Variants in FANCC observed in about 807,000 individuals in gnomAD.
The protein encoded by FANCC is Fanconi anemia group C protein.
A neutral mutation model predicts 71.3 loss-of-function variants in FANCC; 55 were observed. That is an observed-to-expected ratio of 0.77 (90% CI 0.62 to 0.97). The LOEUF is 0.97. FANCC is among the 50% of genes least tolerant of loss of function. The pLI is 0.00. For synonymous variants in FANCC, 275 were observed against 244.9 expected, an observed-to-expected ratio of 1.12 and a Z score of -1.15; for missense variants, 678 against 670.9, an observed-to-expected ratio of 1.01 and a Z score of -0.12.
intron 6 of FANCC, among the ~76,000 whole-genome samples, chr9:95,158,821 C>T (rs1046560586): frequency 6.6e-6 from 1 of 152,190 alleles, no homozygotes; most frequent in African/African-American, 2.4e-5. Flanking sequence ...TAGGGCCACA[C>T]TTTGAGTAGC....
At chr9:95,236,922 C>T (rs1830349836) in intron 4 of FANCC, among the ~76,000 whole-genome samples, 1 of 152,132 alleles carries the variant, frequency 6.6e-6, no homozygotes, top group Non-Finnish European at 1.5e-5. Flanking sequence ...AAAATATCAC[C>T]TCCAAGATAA....
chr9:95,117,671 T>G (rs952800909), intron 10 of FANCC, among the ~76,000 whole-genome samples: 1 of 152,154 alleles, frequency 6.6e-6, no homozygotes, highest in Non-Finnish European at 1.5e-5. Context: ...AAATAAATCT[T>G]CTGTTTTGGA....
At chr9:95,116,600 G>C (rs1259090558) in intron 11 of FANCC, among the ~76,000 whole-genome samples, 1 of 152,300 alleles carries the variant, frequency 6.6e-6, no homozygotes, top group African/African-American at 2.4e-5. Context: ...CCCCTTTCTG[G>C]CTGGCGCAGT....
intron 1 of FANCC, among the ~76,000 whole-genome samples, chr9:95,279,359 G>A (rs966350819): frequency 1.3e-5 from 2 of 151,158 alleles, no homozygotes; most frequent in African/African-American, 4.9e-5. Context: ...AGAAAAATTA[G>A]CCAGGTGTGG....
At chr9:95,265,341 T>C (rs1045190698) in intron 1 of FANCC, among the ~76,000 whole-genome samples, 2 of 152,170 alleles carry the variant, frequency 1.3e-5, no homozygotes, top group Admixed American at 6.5e-5. Flanking sequence ...GGGGATTTAC[T>C]AGGCTCAATT....
intron 4 of FANCC, among the ~76,000 whole-genome samples, chr9:95,207,103 G>C (rs1303542146): frequency 6.6e-6 from 1 of 151,972 alleles, no homozygotes; most frequent in African/African-American, 2.4e-5. Flanking sequence ...GCCAGAAATT[G>C]GCAGCCCAGC....
At chr9:95,219,864 T>C (rs1430627003) in intron 4 of FANCC, among the ~76,000 whole-genome samples, 1 of 151,786 alleles carries the variant, frequency 6.6e-6, no homozygotes, top group Non-Finnish European at 1.5e-5. Context: ...AATAGACAAA[T>C]GGGATCTAAT....
chr9:95,101,593 A>T lies in FANCC; in HGVS notation c.*114T>A. On this transcript the variant is annotated 3_prime_UTR_variant, in exon 15 of 15. Transcript: ENST00000289081. Reference sequence around the variant, plus strand: ...CCCAAGATGTGTACAGCTCATTCTCACAGCCCAGCGAGGGCACTTACTCCA... The same window carrying T: ...CCCAAGATGTGTACAGCTCATTCTCTCAGCCCAGCGAGGGCACTTACTCCA... The T allele has an allele frequency of 1.5e-6, 2 of 1,301,326 alleles. No homozygotes were observed. The highest frequency in any genetic ancestry group is 2.2e-6 in the Non-Finnish European group (2 of 923,408). The allele number at this position is 1,301,326 out of a possible 1,614,324, so 80.6% of individuals were successfully genotyped here. A position where few individuals can be genotyped will look rare whatever the true frequency, so the allele number is the denominator to read the frequency against.
intron 4 of FANCC, among the ~76,000 whole-genome samples, chr9:95,228,390 C>T (rs1829764152): frequency 6.6e-6 from 1 of 152,230 alleles, no homozygotes; most frequent in Admixed American, 6.5e-5. Context: ...CTGGAGTGAT[C>T]ACTATTTCTT....
chr9:95,249,409 T>TGATAAAAGAGC, intron 1 of FANCC, 40 bp from the exon 2 acceptor site: 2 of 1,058,868 alleles, frequency 1.9e-6, no homozygotes, highest in Non-Finnish European at 2.8e-6. Flanking sequence ...TCTAAAAGGC[T>TGATAAAAGAGC]CTTTTATCAG....
At chr9:95,235,445 G>A (rs1379766349) in intron 4 of FANCC, among the ~76,000 whole-genome samples, 1 of 152,218 alleles carries the variant, frequency 6.6e-6, no homozygotes, top group African/African-American at 2.4e-5. Context: ...CACACCATAA[G>A]TTACAGGTGG....
intron 2 of FANCC, among the ~76,000 whole-genome samples, chr9:95,247,972 G>C (rs1321249683): frequency 6.6e-6 from 1 of 152,124 alleles, no homozygotes; most frequent in African/African-American, 2.4e-5. Flanking sequence ...AAGGTTTAAA[G>C]GGATGAGAAC....
At chr9:95,191,543 C>T (rs992727266) in intron 4 of FANCC, among the ~76,000 whole-genome samples, 13 of 152,036 alleles carry the variant, frequency 8.6e-5, no homozygotes, top group African/African-American at 3.1e-4. Flanking sequence ...TAGTTCCAGC[C>T]CTGCCATCTC....
chr9:95,117,353 G>A lies in FANCC; in HGVS notation c.1034C>T (p.Ser345Phe), dbSNP rs1348320350. The A allele has an allele frequency of 6.2e-7, 1 of 1,614,108 alleles. No homozygotes were observed. Among genetic ancestry groups the A allele is most frequent in the Admixed American group, 1.7e-5 (1 of 60,030 alleles). ...CAGCAGCACCATGGCAAGAGATGGA[G>A]AAGTGTAAGGAAAGTAGGTCTTGAG... ...FALKTYFPYT[S>F]PSLAMVLLQD... The change falls in exon 11 of 15, where the codon TCT (serine) becomes TTT (phenylalanine). Residue 345 changes from serine to phenylalanine, a missense_variant. Transcript: ENST00000289081.
intron 14 of FANCC, among the ~76,000 whole-genome samples, chr9:95,104,335 G>C (rs1438371097): frequency 1.3e-5 from 2 of 152,252 alleles, no homozygotes; most frequent in East Asian, 1.9e-4. Context: ...GTCCCTGACA[G>C]AGTCAGTGCA....
At chr9:95,150,639 G>A (rs750634528) in intron 6 of FANCC, among the ~76,000 whole-genome samples, 136 of 152,078 alleles carry the variant, frequency 8.9e-4, no homozygotes, top group Non-Finnish European at 1.1e-3. Context: ...TAAAAATTCC[G>A]ATCACAACAC....
chr9:95,193,640 T>C (rs969568276), intron 4 of FANCC, among the ~76,000 whole-genome samples: 3 of 152,072 alleles, frequency 2.0e-5, no homozygotes, highest in Admixed American at 1.3e-4. Flanking sequence ...GAAGATGACA[T>C]TGGAAACTGA....
At chr9:95,139,547 T>G (rs766807076) in intron 7 of FANCC, among the ~76,000 whole-genome samples, 3 of 152,086 alleles carry the variant, frequency 2.0e-5, no homozygotes, top group Non-Finnish European at 4.4e-5. Flanking sequence ...AGTGTGGGCC[T>G]CGTGCCACGG....
chr9:95,146,303 A>T (rs1466282819), intron 7 of FANCC, among the ~76,000 whole-genome samples: 1 of 151,910 alleles, frequency 6.6e-6, no homozygotes, highest in Non-Finnish European at 1.5e-5. Context: ...CCTAGGCAAC[A>T]TGGTGAAATG....
Sources: allele counts gnomAD v4.1 joint callset (sites outside exome capture counted in the v4.1 genomes callset), GRCh38; gene constraint gnomAD v4.1.1; transcripts MANE v1.5; gene names NCBI Gene and HGNC (gene_info 2026-07-23, HGNC 2026-07-21).